Variants in TBC1D19 observed in about 807,000 individuals in gnomAD.
The protein encoded by TBC1D19 is TBC1 domain family, member 19.
Under a neutral mutation model 89.0 loss-of-function variants are expected in TBC1D19, and 60 were observed. The ratio of observed to expected loss-of-function variants is 0.67; its 90% CI spans 0.55 to 0.84. TBC1D19 has a LOEUF of 0.84. Among genes scored for constraint, TBC1D19 ranks in the 40% least tolerant of loss-of-function variants. The probability of loss-of-function intolerance (pLI) is 0.00; values close to 1 mark genes in which losing one functional copy is unlikely to be tolerated. For synonymous variants in TBC1D19, 189 were observed against 199.7 expected (o/e 0.95, Z 0.45); for missense variants, 500 against 610.8 (o/e 0.82, Z 1.91).
At chr4:26,725,092 T>C (rs1217914395) in intron 15 of TBC1D19, among the ~76,000 whole-genome samples, 2 of 152,182 alleles carry the variant, frequency 1.3e-5, no homozygotes, top group Non-Finnish European at 2.9e-5. Context: ...AATATTTTGA[T>C]ACAAGATCCC....
chr4:26,759,771 C>T (rs1224257885), downstream of TBC1D19, among the ~76,000 whole-genome samples: 2 of 152,090 alleles, frequency 1.3e-5, no homozygotes, highest in Non-Finnish European at 2.9e-5. Flanking sequence ...TGAGATTCAT[C>T]CATATTATGT....
intron 13 of TBC1D19, among the ~76,000 whole-genome samples, chr4:26,710,548 G>A (rs9995160): frequency 0.051 from 7,781 of 152,216 alleles, 697 homozygotes; most frequent in African/African-American, 0.18. Context: ...TATATACCCA[G>A]TAATGGGATG....
chr4:26,805,120 T>C, the TBC1D19 span, among the ~76,000 whole-genome samples: 126,457 of 152,124 alleles, frequency 0.83, 52,725 homozygotes, highest in South Asian at 0.9. Context: ...TGAGCCTTCG[T>C]GTGTTCAGCT....
At chr4:26,766,520 C>A in the TBC1D19 span, among the ~76,000 whole-genome samples, 1 of 152,128 alleles carries the variant, frequency 6.6e-6, no homozygotes, top group Non-Finnish European at 1.5e-5. Context: ...CCTAAGTAAC[C>A]ACCAGACACC....
intron 7 of TBC1D19, among the ~76,000 whole-genome samples, chr4:26,653,291 T>C (rs1159755640): frequency 6.6e-6 from 1 of 152,192 alleles, no homozygotes; most frequent in Non-Finnish European, 1.5e-5. Flanking sequence ...CTTCCAACTA[T>C]GTGATCAATT....
chr4:26,663,804 C>T (rs750520890), intron 8 of TBC1D19, among the ~76,000 whole-genome samples: 9 of 152,090 alleles, frequency 5.9e-5, no homozygotes, highest in Non-Finnish European at 1.2e-4. Flanking sequence ...TCTGTCTGTG[C>T]GAGTATTGAA....
At chr4:26,582,399 T>C (rs1037993099), upstream of TBC1D19, among the ~76,000 whole-genome samples, 2 of 152,176 alleles carry the variant, frequency 1.3e-5, no homozygotes, top group African/African-American at 2.4e-5. Context: ...TCTATGCCTT[T>C]TCTTCTGCTC....
At chr4:26,598,182 A>T (rs575206512) in intron 1 of TBC1D19, among the ~76,000 whole-genome samples, 9 of 152,218 alleles carry the variant, frequency 5.9e-5, no homozygotes, top group Non-Finnish European at 1.5e-5. Context: ...ACAAATAAGT[A>T]TATACAGTCC....
At chr4:26,627,771 A>G (rs956284546) in intron 4 of TBC1D19, among the ~76,000 whole-genome samples, 30 of 152,202 alleles carry the variant, frequency 2.0e-4, no homozygotes, top group African/African-American at 7.0e-4. Context: ...AGTTCATTGT[A>G]GATTCTGGAT....
chr4:26,593,221 A>T (rs1213062407), intron 1 of TBC1D19, among the ~76,000 whole-genome samples: 1 of 152,206 alleles, frequency 6.6e-6, no homozygotes, highest in Non-Finnish European at 1.5e-5. Context: ...CAAACCTGAG[A>T]AAAACAAGCA....
At chr4:26,598,918 T>C (rs143133407) in intron 1 of TBC1D19, among the ~76,000 whole-genome samples, 125 of 151,304 alleles carry the variant, frequency 8.3e-4, no homozygotes, top group Non-Finnish European at 1.5e-3. Flanking sequence ...ATAGAAAAAA[T>C]AGAAAATTAG....
the TBC1D19 span, among the ~76,000 whole-genome samples, chr4:26,798,984 A>G: frequency 1.1e-4 from 17 of 152,306 alleles, no homozygotes; most frequent in East Asian, 2.9e-3. Context: ...CTAGTATGCA[A>G]TATGCCAGCT....
chr4:26,579,420 GA>G (rs540599611), upstream of TBC1D19, among the ~76,000 whole-genome samples: 262 of 152,048 alleles, frequency 1.7e-3, no homozygotes, highest in African/African-American at 6.1e-3. Flanking sequence ...GAGCTTCTTG[GA>G]AAAATATTCT....
chr4:26,807,860 C>T, the TBC1D19 span, among the ~76,000 whole-genome samples: 7 of 152,180 alleles, frequency 4.6e-5, no homozygotes, highest in African/African-American at 1.7e-4. Context: ...ATGCGAGGCA[C>T]CATTAACTTC....
chr4:26,711,970 G>A (rs1716222750), intron 13 of TBC1D19, among the ~76,000 whole-genome samples: 1 of 151,972 alleles, frequency 6.6e-6, no homozygotes, highest in South Asian at 2.1e-4. Flanking sequence ...TCTCCTTAGA[G>A]CAGTCTCAGA....
chr4:26,715,146 T>A (rs776622193), intron 13 of TBC1D19, among the ~76,000 whole-genome samples: 16 of 152,058 alleles, frequency 1.1e-4, no homozygotes, highest in Admixed American at 2.0e-4. Flanking sequence ...ACCTCTTCAA[T>A]TTTTCCATTT....
At chr4:26,820,327 C>A in the TBC1D19 span, among the ~76,000 whole-genome samples, 38 of 152,296 alleles carry the variant, frequency 2.5e-4, no homozygotes, top group Admixed American at 4.6e-4. Context: ...CCATCTCTTC[C>A]CTTCTCCACC....
At chr4:26,643,689 T>C (rs374548269) in intron 7 of TBC1D19, among the ~76,000 whole-genome samples, 1 of 151,406 alleles carries the variant, frequency 6.6e-6, no homozygotes. Flanking sequence ...GCAAAACTAA[T>C]AAAGAAGAAA....
chr4:26,705,197 A>G (rs573737654), intron 13 of TBC1D19, among the ~76,000 whole-genome samples: 1 of 152,198 alleles, frequency 6.6e-6, no homozygotes, highest in African/African-American at 2.4e-5. Flanking sequence ...CTTACTGAAA[A>G]TGTGATTTGT....
Sources: gnomAD v4.1 joint callset for allele counts (sites outside exome capture counted in the v4.1 genomes callset) on GRCh38, gnomAD v4.1.1 for gene constraint, MANE v1.5 for transcripts, NCBI Gene and HGNC (gene_info 2026-07-23, HGNC 2026-07-21) for gene names.